RASL12: variants seen among roughly 807,000 people sequenced by gnomAD.
RASL12 encodes RAS like family 12, also known as ras-like protein family member 12.
In RASL12, 16 loss-of-function variants were observed where a neutral mutation model predicts 22.9. That is an observed-to-expected ratio of 0.70 (90% CI 0.47 to 1.06). The LOEUF is 1.06. RASL12 is among the 50% of genes least tolerant of loss of function. The pLI, the probability that RASL12 is intolerant of heterozygous loss-of-function variation, is 0.00. For missense variants in RASL12, 306 were observed against 353.1 expected (o/e 0.87, Z 1.07); for synonymous variants, 159 against 152.2 (o/e 1.04, Z -0.33).
At chr15:65,076,657 A>G in exon 1 of RASL12, 1 of 750,098 alleles carries the variant, frequency 1.3e-6, no homozygotes, top group Admixed American at 2.1e-5. Context: ...GCCTGCAGCC[A>G]TACAGCCTGC....
chr15:65,067,641 T>C, intron 1 of RASL12, 92 bp downstream of exon 1: 1 of 1,414,568 alleles, frequency 7.1e-7, no homozygotes, highest in East Asian at 2.9e-5. Context: ...CCCAAGCCAG[T>C]GGAAGAACCT....
intron 2 of RASL12, among the ~76,000 whole-genome samples, chr15:65,060,904 G>A (rs1427865792): frequency 6.6e-6 from 1 of 152,166 alleles, no homozygotes; most frequent in Non-Finnish European, 1.5e-5. Flanking sequence ...TTGGGGACTT[G>A]GATAAATAGC....
chr15:65,063,822 C>T (rs2086842839), intron 2 of RASL12, among the ~76,000 whole-genome samples: 1 of 152,244 alleles, frequency 6.6e-6, no homozygotes, highest in African/African-American at 2.4e-5. Flanking sequence ...CCAGCCTGAA[C>T]TAAGGGGCTG....
At chr15:65,060,779 T>C (rs1302721138) in intron 2 of RASL12, among the ~76,000 whole-genome samples, 1 of 152,216 alleles carries the variant, frequency 6.6e-6, no homozygotes, top group African/African-American at 2.4e-5. Flanking sequence ...CCTGGCTGAA[T>C]TTATAGTCAA....
the RASL12 span, among the ~76,000 whole-genome samples, chr15:65,047,336 CAA>C: frequency 8.1e-6 from 1 of 122,940 alleles, no homozygotes; most frequent in Non-Finnish European, 1.8e-5. Flanking sequence ...AACTCCATCT[CAA>C]AAAAAAAAAA....
chr15:65,072,965 C>T (rs1034062607), upstream of RASL12, among the ~76,000 whole-genome samples: 4 of 152,022 alleles, frequency 2.6e-5, no homozygotes, highest in African/African-American at 7.3e-5. Flanking sequence ...GGTGAAACCC[C>T]GTCTCTACTG....
At chr15:65,051,064 G>C (rs2086647615), downstream of RASL12, among the ~76,000 whole-genome samples, 1 of 151,890 alleles carries the variant, frequency 6.6e-6, no homozygotes, top group African/African-American at 2.4e-5. Flanking sequence ...GGCTGGTCTT[G>C]AACTCCCGAC....
upstream of RASL12, chr15:65,068,183 C>T (rs2086904577): frequency 1.0e-6 from 1 of 998,820 alleles, no homozygotes; most frequent in Non-Finnish European, 1.2e-6. This position sits in a 1 kb window ranked among gnomAD's most constrained non-coding sequence, Gnocchi z 4.2. Flanking sequence ...GTCACCCTCC[C>T]GAGCGCCCCC....
At position 65,054,672 on chromosome 15, in the gene RASL12, G is replaced by T. The variant is rs1054242032; in HGVS notation, c.*227C>A. 1.1e-5 allele frequency: 15 copies of T among 1,380,878 alleles called. No homozygotes were observed. Among genetic ancestry groups the T allele is most frequent in the Admixed American group, 3.0e-5 (1 of 33,328 alleles). The allele number at this position is 1,380,878 out of a possible 1,614,324, so 85.5% of individuals were successfully genotyped here. ...TGTCACAGTGGCTGTTTCCCTCTACGGCCACAGACGCGGTGGTTACCATGA... is the reference window on the plus strand; with the variant it reads ...TGTCACAGTGGCTGTTTCCCTCTACTGCCACAGACGCGGTGGTTACCATGA... On this transcript the variant is annotated 3_prime_UTR_variant, in exon 5 of 5. Transcript: ENST00000220062.
chr15:65,056,203 G>A (rs1477087588), intron 4 of RASL12, among the ~76,000 whole-genome samples: 3 of 152,130 alleles, frequency 2.0e-5, no homozygotes, highest in Non-Finnish European at 2.9e-5. Context: ...GAGCTGTCCC[G>A]CTGCCCATTC....
Position 65,053,899 on chromosome 15 carries a change from G to T in RASL12, c.*1000C>A. On this transcript the variant is annotated 3_prime_UTR_variant, in exon 5 of 5. Coordinates refer to ENST00000220062, the MANE Select transcript of RASL12 (RefSeq NM_016563.4). ...GCGGTGACACCACCAAATAACATAA[G>T]CAAAATTTTGCTTTATTAACCCAAA... 1 of 985,808 alleles carries T rather than the reference G, an allele frequency of 1.0e-6. No individual in the cohort carries two copies. Among genetic ancestry groups the T allele is most frequent in the Non-Finnish European group, 1.2e-6 (1 of 829,932 alleles). The allele number at this position is 985,808 out of a possible 1,614,324, so 61.1% of individuals were successfully genotyped here. A position where few individuals can be genotyped will look rare whatever the true frequency, so the allele number is the denominator to read the frequency against.
chr15:65,051,388 G>C, downstream of RASL12: 2 of 834,548 alleles, frequency 2.4e-6, no homozygotes, highest in East Asian at 5.1e-5. Context: ...GCCCATCTTT[G>C]ATTAGGGTCT....
chr15:65,060,575 G>A (rs2086789867), intron 2 of RASL12, among the ~76,000 whole-genome samples: 1 of 152,214 alleles, frequency 6.6e-6, no homozygotes, highest in African/African-American at 2.4e-5. Context: ...GGACCTTGCG[G>A]CCATGTTGGC....
chr15:65,062,503 A>G (rs2086821178), intron 2 of RASL12, among the ~76,000 whole-genome samples: 2 of 152,218 alleles, frequency 1.3e-5, no homozygotes, highest in African/African-American at 4.8e-5. Flanking sequence ...ATCTTAAGGC[A>G]AATCACTGAG....
upstream of RASL12, among the ~76,000 whole-genome samples, chr15:65,069,046 C>A (rs2946636): frequency 1.3e-5 from 2 of 152,214 alleles, no homozygotes; most frequent in Non-Finnish European, 2.9e-5. Flanking sequence ...AGACCTCTCA[C>A]GGCAGCCCTT....
exon 1 of RASL12, chr15:65,076,567 G>A: frequency 1.4e-6 from 1 of 702,406 alleles, no homozygotes; most frequent in East Asian, 2.7e-5. Flanking sequence ...GTCAGACCAA[G>A]AACCCACCAA....
downstream of RASL12, chr15:65,053,277 T>G: frequency 6.9e-7 from 1 of 1,443,968 alleles, no homozygotes. Context: ...TTTTTCTTTT[T>G]CTTTCTTTCT....
chr15:65,056,357 A>G (rs7172429), intron 4 of RASL12, among the ~76,000 whole-genome samples: 69,415 of 152,028 alleles, frequency 0.46, 16,558 homozygotes, highest in East Asian at 0.78. Context: ...ATGGTGAGGC[A>G]CGCGGTCTCA....
intron 1 of RASL12, among the ~76,000 whole-genome samples, chr15:65,075,548 T>C (rs1317031272): frequency 2.6e-5 from 4 of 152,218 alleles, no homozygotes; most frequent in Non-Finnish European, 5.9e-5. Flanking sequence ...AATACACCAA[T>C]CGGCACTCTG....
Sources: allele counts gnomAD v4.1 joint callset (sites outside exome capture counted in the v4.1 genomes callset), GRCh38; gene constraint gnomAD v4.1.1; non-coding constraint Gnocchi (gnomAD v3.1); transcripts MANE v1.5; gene names NCBI Gene and HGNC (gene_info 2026-07-23, HGNC 2026-07-21).